The following OPCML variants were observed in gnomAD, a reference collection of about 807,000 sequenced individuals.
OPCML encodes opioid-binding protein/cell adhesion molecule.
Under a neutral mutation model 37.8 loss-of-function variants are expected in OPCML, and 13 were observed. The ratio of observed to expected loss-of-function variants is 0.34; its 90% CI spans 0.22 to 0.55. OPCML has a LOEUF of 0.55. Ranked by LOEUF, OPCML falls within the 20% of genes least tolerant of loss-of-function variation. OPCML has a pLI of 0.91. For synonymous variants in OPCML, 176 were observed against 168.8 expected, an observed-to-expected ratio of 1.04 and a Z score of -0.33; for missense variants, 341 against 435.6, an observed-to-expected ratio of 0.78 and a Z score of 1.93.
At chr11:132,456,108 G>A (rs907802026) in intron 4 of OPCML, among the ~76,000 whole-genome samples, 2 of 152,074 alleles carry the variant, frequency 1.3e-5, no homozygotes, top group Non-Finnish European at 2.9e-5. Flanking sequence ...CTCTCCCACC[G>A]TCTCTCCTCG....
chr11:133,144,609 T>C (rs1341081907), intron 1 of OPCML, among the ~76,000 whole-genome samples: 1 of 152,216 alleles, frequency 6.6e-6, no homozygotes, highest in Non-Finnish European at 1.5e-5. Flanking sequence ...CAAAGCTTCG[T>C]AAGCATTTGT....
intron 1 of OPCML, among the ~76,000 whole-genome samples, chr11:133,130,025 T>A (rs1029448238): frequency 8.5e-5 from 13 of 152,138 alleles, no homozygotes; most frequent in African/African-American, 3.1e-4. Context: ...GATATTAGAA[T>A]TAGTAACCAA....
chr11:132,701,437 A>G (rs1299936148), intron 2 of OPCML, among the ~76,000 whole-genome samples: 1 of 152,124 alleles, frequency 6.6e-6, no homozygotes. Flanking sequence ...CTTAAAGTCT[A>G]TTTCTGTTGG....
chr11:133,362,661 T>C (rs1944450154), intron 1 of OPCML, among the ~76,000 whole-genome samples: 1 of 152,108 alleles, frequency 6.6e-6, no homozygotes, highest in Non-Finnish European at 1.5e-5. Context: ...AGAAACATCT[T>C]GGGTGGAGAT....
chr11:133,497,680 T>G (rs1484146596), intron 1 of OPCML, among the ~76,000 whole-genome samples: 1 of 152,098 alleles, frequency 6.6e-6, no homozygotes, highest in Non-Finnish European at 1.5e-5. Context: ...GCCAGCTCAG[T>G]CCAGCTAGTG....
intron 1 of OPCML, among the ~76,000 whole-genome samples, chr11:133,238,459 A>T (rs1426885155): frequency 6.6e-6 from 1 of 152,256 alleles, no homozygotes; most frequent in African/African-American, 2.4e-5. Context: ...TAAATAAATT[A>T]TTCAAACTAA....
chr11:133,427,629 A>G lies in OPCML; in HGVS notation c.61+104635T>C, dbSNP rs901985550. Among the ~76,000 whole-genome samples, 36 of 152,298 alleles carry G rather than the reference A, an allele frequency of 2.4e-4. 1 individual carries two copies. The highest frequency in any genetic ancestry group is 8.7e-4 in the African/African-American group (36 of 41,574). ...ACAACAGATTTAGAAAATATTCTTT[A>G]AATCATAAGAAAATGCTACATACAA... On this transcript the variant is annotated intron_variant, in intron 1 of 7. Transcript: ENST00000524381.
At chr11:133,242,057 A>G (rs1940752384) in intron 1 of OPCML, among the ~76,000 whole-genome samples, 1 of 152,202 alleles carries the variant, frequency 6.6e-6, no homozygotes, top group Non-Finnish European at 1.5e-5. Flanking sequence ...ATAAATGTTT[A>G]TGACATATGG....
At chr11:132,927,807 A>T (rs578069747) in intron 2 of OPCML, among the ~76,000 whole-genome samples, 2 of 152,206 alleles carry the variant, frequency 1.3e-5, no homozygotes, top group East Asian at 3.9e-4. Flanking sequence ...ATAATTTGTG[A>T]CATCAGTAAC....
chr11:133,521,893 G>A (rs1208935832), intron 1 of OPCML, among the ~76,000 whole-genome samples: 2 of 152,216 alleles, frequency 1.3e-5, no homozygotes, highest in Non-Finnish European at 2.9e-5. Context: ...TTCTCATAGG[G>A]GCTTGGCCTC....
chr11:133,311,799 T>G (rs1255705061), intron 1 of OPCML, among the ~76,000 whole-genome samples: 1 of 152,082 alleles, frequency 6.6e-6, no homozygotes, highest in Non-Finnish European at 1.5e-5. Context: ...GAGAAATTAT[T>G]AAAGTAGACA....
chr11:132,470,276 A>G (rs1449286013), intron 4 of OPCML, among the ~76,000 whole-genome samples: 5 of 152,076 alleles, frequency 3.3e-5, no homozygotes, highest in African/African-American at 9.7e-5. Context: ...ACAAGGAAAG[A>G]TTTGGGATGA....
At chr11:133,387,549 CG>C in intron 1 of OPCML, among the ~76,000 whole-genome samples, 1 of 152,306 alleles carries the variant, frequency 6.6e-6, no homozygotes, top group Middle Eastern at 3.4e-3. Context: ...ACAAACTCAC[CG>C]GTTGTGTAAA....
intron 1 of OPCML, among the ~76,000 whole-genome samples, chr11:133,357,161 C>T (rs374854750): frequency 3.3e-5 from 5 of 152,170 alleles, no homozygotes; most frequent in East Asian, 3.9e-4. Flanking sequence ...TCTACACTAC[C>T]CCAGGCATGG....
At chr11:133,178,113 T>C (rs558847241) in intron 1 of OPCML, among the ~76,000 whole-genome samples, 1 of 152,170 alleles carries the variant, frequency 6.6e-6, no homozygotes, top group South Asian at 2.1e-4. Context: ...CAGGAGCTCT[T>C]ACATTCATAA....
chr11:132,495,311 T>C lies in OPCML; in HGVS notation c.505+33750A>G, dbSNP rs774352368. ...ATAAGACAACTACAATCTCAGAATA[T>C]TAACGTTTTAAAAGAGATGTTCGAA... On this transcript the variant is annotated intron_variant, in intron 4 of 7. Coordinates refer to ENST00000524381, the MANE Select transcript of OPCML (RefSeq NM_001012393.5). Among the ~76,000 whole-genome samples the C allele has an allele frequency of 5.3e-4, 81 of 152,140 alleles. 1 individual carries two copies. The highest frequency in any genetic ancestry group is 3.4e-4 in the Non-Finnish European group (23 of 68,024).
At position 133,080,474 on chromosome 11, in the gene OPCML, GTTTTTTT is replaced by G. The variant is rs34982227; in HGVS notation, c.62-137471_62-137465del. On this transcript the variant is annotated intron_variant, in intron 1 of 7. Coordinates refer to ENST00000524381, the MANE Select transcript of OPCML (RefSeq NM_001012393.5). ...AACATTCCCACTTTGGTAATCAAAT[GTTTTTTT>G]TTTTTTTTTTTTTCCTAAAATAGGC... Among the ~76,000 whole-genome samples the G allele has an allele frequency of 7.7e-5, 10 of 129,298 alleles. No homozygotes were observed. The Middle Eastern group carries it at 0.012, about 156-fold the overall frequency. The allele number at this position is 129,298 out of a possible 152,430, so 84.8% of individuals were successfully genotyped here.
intron 4 of OPCML, among the ~76,000 whole-genome samples, chr11:132,520,240 C>T (rs1460594531): frequency 6.6e-6 from 1 of 152,162 alleles, no homozygotes; most frequent in East Asian, 1.9e-4. Context: ...CTATTCCAAC[C>T]TCAAGCTATG....
intron 1 of OPCML, among the ~76,000 whole-genome samples, chr11:133,372,611 A>G (rs1050444353): frequency 2.0e-5 from 3 of 152,212 alleles, no homozygotes; most frequent in Admixed American, 6.5e-5. Context: ...CAGGATTTTC[A>G]CAGGACTAAG....
Sources: allele counts gnomAD v4.1 joint callset (sites outside exome capture counted in the v4.1 genomes callset), GRCh38; gene constraint gnomAD v4.1.1; transcripts MANE v1.5; gene names NCBI Gene and HGNC (gene_info 2026-07-23, HGNC 2026-07-21).